SPOCK3: variants seen among roughly 807,000 people sequenced by gnomAD.
SPOCK3 encodes the protein SPARC (osteonectin), cwcv and kazal like domains proteoglycan 3.
SPOCK3 carries 30 observed loss-of-function variants against 56.6 expected under a neutral mutation model. The observed-to-expected ratio is 0.53, with a 90% CI of 0.40 to 0.72. The LOEUF (loss-of-function observed/expected upper bound fraction) is 0.72, where lower values mean the gene tolerates loss of function less well. Among genes scored for constraint, SPOCK3 ranks in the 30% least tolerant of loss-of-function variants. The probability of loss-of-function intolerance (pLI) is 0.00; values close to 1 mark genes in which losing one functional copy is unlikely to be tolerated. For missense variants in SPOCK3, 527 were observed against 530.0 expected, an observed-to-expected ratio of 0.99 and a Z score of 0.06; for synonymous variants, 196 against 183.3, an observed-to-expected ratio of 1.07 and a Z score of -0.56.
At chr4:166,973,716 C>T (rs995047196) in intron 4 of SPOCK3, among the ~76,000 whole-genome samples, 3 of 152,050 alleles carry the variant, frequency 2.0e-5, no homozygotes, top group Non-Finnish European at 2.9e-5. Context: ...AATACACTGT[C>T]GCTAGACAAA....
intron 3 of SPOCK3, among the ~76,000 whole-genome samples, chr4:167,035,682 C>T (rs948138021): frequency 2.0e-5 from 3 of 152,110 alleles, no homozygotes; most frequent in Non-Finnish European, 2.9e-5. Flanking sequence ...TTTCCCTACC[C>T]GAATCCTGGC....
At chr4:166,762,246 T>C (rs1436909037) in intron 7 of SPOCK3, among the ~76,000 whole-genome samples, 1 of 152,118 alleles carries the variant, frequency 6.6e-6, no homozygotes, top group Admixed American at 6.6e-5. Context: ...AAATGTAGAT[T>C]AGGTCCCTAT....
In SPOCK3 at chr4:166,788,010, C is replaced by A. The variant is rs150279172; in HGVS notation, c.709+4160G>T. 7.6e-4 allele frequency among the ~76,000 whole-genome samples: 116 copies of A among 152,114 alleles called. 1 individual carries two copies. In the East Asian group the frequency reaches 0.016, roughly 21 times the overall value. On this transcript the variant is annotated intron_variant, in intron 7 of 10. Coordinates refer to ENST00000357545, the MANE Select transcript of SPOCK3 (RefSeq NM_001040159.2). ...TGGCCTGGCCAACATGGTGAAACCCCGTCTTCACTAAAAATACAAAAGGTT... is the reference window on the plus strand; with the variant it reads ...TGGCCTGGCCAACATGGTGAAACCCAGTCTTCACTAAAAATACAAAAGGTT...
At chr4:167,179,969 A>T (rs966572077) in intron 2 of SPOCK3, among the ~76,000 whole-genome samples, 1 of 152,208 alleles carries the variant, frequency 6.6e-6, no homozygotes, top group African/African-American at 2.4e-5. Context: ...ACAGAGGAGC[A>T]AGGTTAATGC....
At chr4:166,821,006 G>T (rs2126760874) in intron 6 of SPOCK3, among the ~76,000 whole-genome samples, 1 of 151,966 alleles carries the variant, frequency 6.6e-6, no homozygotes, top group Non-Finnish European at 1.5e-5. Flanking sequence ...AATGTGAAAA[G>T]GTAGGTCACA....
At chr4:167,234,327 CTT>C (rs1197620392) in intron 1 of SPOCK3, 121 bp downstream of exon 1, 5 of 725,816 alleles carry the variant, frequency 6.9e-6, no homozygotes, top group African/African-American at 1.8e-5. Context: ...TCCCCGCAGG[CTT>C]TACCCCCAAA....
chr4:167,060,514 A>C (rs912120037), intron 3 of SPOCK3, among the ~76,000 whole-genome samples: 5 of 152,042 alleles, frequency 3.3e-5, no homozygotes, highest in Admixed American at 2.6e-4. Flanking sequence ...ACAAATACAC[A>C]TATCTCAATC....
At chr4:166,981,920 G>T (rs968433968) in intron 4 of SPOCK3, among the ~76,000 whole-genome samples, 1 of 152,180 alleles carries the variant, frequency 6.6e-6, no homozygotes, top group Admixed American at 6.5e-5. Context: ...GCTCACACAC[G>T]CTCTGCAACT....
intron 2 of SPOCK3, among the ~76,000 whole-genome samples, chr4:167,196,535 G>T (rs67882810): frequency 0.1 from 15,630 of 151,440 alleles, 844 homozygotes; most frequent in Middle Eastern, 0.13. Context: ...TTTACATTTA[G>T]AGTGCCTTAC....
intron 5 of SPOCK3, among the ~76,000 whole-genome samples, chr4:166,902,361 CTG>C (rs962973062): frequency 1.6e-4 from 25 of 152,120 alleles, no homozygotes; most frequent in Non-Finnish European, 2.2e-4. Context: ...TTGGTATACA[CTG>C]TGTTTCCTGT....
In SPOCK3 at chr4:167,205,342, T is replaced by TATATATAAA. The variant is rs1561321461; in HGVS notation, c.189+28642_189+28643insTTTATATAT. ...TATATATATAATATATATTATATAT[T>TATATATAAA]ATATATATAATATATATATTATATA... On this transcript the variant is annotated intron_variant, in intron 2 of 10. Coordinates refer to ENST00000357545, the MANE Select transcript of SPOCK3 (RefSeq NM_001040159.2). Among the ~76,000 whole-genome samples the TATATATAAA allele has an allele frequency of 4.8e-3, 193 of 40,440 alleles. 18 individuals carry two copies. Among genetic ancestry groups the TATATATAAA allele is most frequent in the African/African-American group, 0.023 (186 of 7,954 alleles). 26.5% of individuals were successfully genotyped at this position (40,440 alleles called of 152,430 possible).
intron 6 of SPOCK3, among the ~76,000 whole-genome samples, chr4:166,838,500 T>A (rs1018859523): frequency 1.3e-5 from 2 of 151,976 alleles, no homozygotes; most frequent in African/African-American, 4.8e-5. Flanking sequence ...ATTTTGGTTT[T>A]TATATTTTTT....
chr4:167,105,682 T>C (rs562185798), intron 2 of SPOCK3, among the ~76,000 whole-genome samples: 78 of 151,310 alleles, frequency 5.2e-4, no homozygotes, highest in Admixed American at 9.2e-4. Context: ...AATTAAAAGA[T>C]ATAGAATGGC....
At chr4:167,107,266 A>C (rs1173444969) in intron 2 of SPOCK3, among the ~76,000 whole-genome samples, 1 of 151,970 alleles carries the variant, frequency 6.6e-6, no homozygotes, top group Non-Finnish European at 1.5e-5. Context: ...AAATATTAGC[A>C]AGCCGAATTC....
At chr4:166,736,617 A>G (rs545459772) in intron 10 of SPOCK3, among the ~76,000 whole-genome samples, 26 of 152,076 alleles carry the variant, frequency 1.7e-4, no homozygotes, top group African/African-American at 6.3e-4. Context: ...ACATCTAAAT[A>G]TTTTCTAAAA....
At chr4:166,908,526 GCACACACACACACACA>G (rs377518404) in intron 5 of SPOCK3, among the ~76,000 whole-genome samples, 50 of 136,126 alleles carry the variant, frequency 3.7e-4, no homozygotes, top group Non-Finnish European at 2.4e-4. Flanking sequence ...TCAAAACCAT[GCACACACACACACACA>G]CACACACACA....
chr4:166,997,423 CCTT>C (rs757007811), intron 4 of SPOCK3, among the ~76,000 whole-genome samples: 1 of 151,992 alleles, frequency 6.6e-6, no homozygotes, highest in Non-Finnish European at 1.5e-5. Flanking sequence ...ATGCCTATAC[CCTT>C]CTTAATTCAT....
intron 3 of SPOCK3, among the ~76,000 whole-genome samples, chr4:167,047,981 CAG>C (rs1291751586): frequency 1.3e-5 from 2 of 151,976 alleles, no homozygotes; most frequent in African/African-American, 4.8e-5. Context: ...ACAAGGGAGG[CAG>C]AGATTGCAGT....
chr4:166,746,207 C>T lies in SPOCK3; in HGVS notation c.932-4148G>A, dbSNP rs111507568. On this transcript the variant is annotated intron_variant, in intron 8 of 10. Transcript: ENST00000357545. Reference sequence around the variant, plus strand: ...ACATTCTTCTCAGAAGCACATCACACTTATTCCAAAATTCACCACTTAGTT... The same window carrying T: ...ACATTCTTCTCAGAAGCACATCACATTTATTCCAAAATTCACCACTTAGTT... Among the ~76,000 whole-genome samples the T allele has an allele frequency of 9.7e-3, 1,477 of 152,330 alleles. 28 individuals carry two copies. The highest frequency in any genetic ancestry group is 0.034 in the African/African-American group (1,398 of 41,562).
Sources: allele counts gnomAD v4.1 joint callset (sites outside exome capture counted in the v4.1 genomes callset), GRCh38; gene constraint gnomAD v4.1.1; transcripts MANE v1.5; gene names NCBI Gene and HGNC (gene_info 2026-07-23, HGNC 2026-07-21).